Variants in LGALS9 observed in about 807,000 individuals in gnomAD.
LGALS9 encodes the protein galectin-9.
LGALS9 carries 26 observed loss-of-function variants against 35.9 expected under a neutral mutation model. The ratio of observed to expected loss-of-function variants is 0.72; its 90% CI spans 0.53 to 1.01. The LOEUF (loss-of-function observed/expected upper bound fraction) is 1.01, where lower values mean the gene tolerates loss of function less well. LGALS9 is among the 50% of genes least tolerant of loss of function. The pLI, the probability that LGALS9 is intolerant of heterozygous loss-of-function variation, is 0.00. For missense variants in LGALS9, 347 were observed against 445.8 expected (o/e 0.78, Z 1.99); for synonymous variants, 149 against 172.2 (o/e 0.87, Z 1.06).
rs113887266 is a variant in LGALS9, at chr17:27,643,899, G to A, written c.540+279G>A. ...GGCCTCTGGGATTCCTCACCATGAC[G>A]ACAGGGGTCCAGTTCCCCACCCCCT... On this transcript the variant is annotated intron_variant, in intron 5 of 10. Transcript: ENST00000395473. Among the ~76,000 whole-genome samples the A allele has an allele frequency of 1.4e-3, 214 of 152,178 alleles. 1 individual carries two copies. The highest frequency in any genetic ancestry group is 4.8e-3 in the African/African-American group (199 of 41,506).
chr17:27,647,139 A>T (rs1905014266), intron 9 of LGALS9, 21 bp downstream of exon 9: 1 of 1,613,926 alleles, frequency 6.2e-7, no homozygotes, highest in African/African-American at 1.3e-5. Context: ...GGCTCCAGTG[A>T]CCTCTGGGAA....
chr17:27,640,232 C>T (rs1904361105), intron 2 of LGALS9, among the ~76,000 whole-genome samples: 2 of 152,208 alleles, frequency 1.3e-5, no homozygotes, highest in African/African-American at 2.4e-5. Context: ...GCACAGAAGG[C>T]TCTCTCTTCT....
At chr17:27,642,072 G>A (rs1259669670) in intron 3 of LGALS9, among the ~76,000 whole-genome samples, 166 bp from the exon 4 acceptor site, 3 of 152,152 alleles carry the variant, frequency 2.0e-5, no homozygotes, top group Admixed American at 6.5e-5. Context: ...GCCTGGTAGA[G>A]ACTCGGGTTG....
chr17:27,648,731 T>C (rs1035974624), intron 10 of LGALS9, 105 bp from the exon 11 acceptor site: 86 of 1,565,420 alleles, frequency 5.5e-5, no homozygotes, highest in Non-Finnish European at 7.0e-5. Context: ...GAGGGGCTTA[T>C]TAACAACTGA....
intron 3 of LGALS9, among the ~76,000 whole-genome samples, chr17:27,641,414 C>T (rs1179631602): frequency 6.6e-6 from 1 of 152,140 alleles, no homozygotes; most frequent in East Asian, 1.9e-4. Flanking sequence ...AGCCTTTATC[C>T]TTAAACTAAC....
At position 27,645,311 on chromosome 17, in the gene LGALS9, C is replaced by T. The variant is rs1904851307; in HGVS notation, c.541-3C>T. On this transcript the variant is annotated splice_polypyrimidine_tract_variant and splice_region_variant and intron_variant, in intron 5 of 10. Transcript: ENST00000395473. ...ACCATTCTGACTCTCCTCACCCCTCCAGCCTCCCGGCGTGTGGCCTGCCAA... is the reference window on the plus strand; with the variant it reads ...ACCATTCTGACTCTCCTCACCCCTCTAGCCTCCCGGCGTGTGGCCTGCCAA... 2 of 1,613,732 alleles carry T rather than the reference C, an allele frequency of 1.2e-6. No individual in the cohort carries two copies. The highest frequency in any genetic ancestry group is 1.3e-5 in the African/African-American group (1 of 74,920).
At chr17:27,642,777 GC>G (rs1200097884) in intron 4 of LGALS9, among the ~76,000 whole-genome samples, 1 of 152,310 alleles carries the variant, frequency 6.6e-6, no homozygotes, top group African/African-American at 2.4e-5. Context: ...GTCATTGCCT[GC>G]CCCCCATGGG....
chr17:27,641,734 G>A (rs1904515193), intron 3 of LGALS9, among the ~76,000 whole-genome samples: 1 of 152,100 alleles, frequency 6.6e-6, no homozygotes, highest in Non-Finnish European at 1.5e-5. Flanking sequence ...AGCACTTTGG[G>A]AGGCTGAGGA....
rs1187611370 is a variant in LGALS9, at chr17:27,631,225, T to C, written c.-41T>C. On this transcript the variant is annotated 5_prime_UTR_variant, in exon 1 of 11. Transcript: ENST00000395473. The stretch of plus-strand genomic sequence containing the variant: ...GTTCCCTCTACAAAGGACTTCCTAG[T>C]GGGTGTGAAAGGCAGCGGTGGCCAC... 3.1e-6 allele frequency: 5 copies of C among 1,613,894 alleles called. No individual in the cohort carries two copies. The highest frequency in any genetic ancestry group is 3.3e-5 in the Admixed American group (2 of 59,988).
chr17:27,647,670 G>T (rs1905049869), intron 10 of LGALS9, among the ~76,000 whole-genome samples: 1 of 152,158 alleles, frequency 6.6e-6, no homozygotes, highest in South Asian at 2.1e-4. Flanking sequence ...ACTTGCTTGT[G>T]GTCACACAGT....
chr17:27,643,686 C>CAG, intron 5 of LGALS9, 66 bp downstream of exon 5: 1 of 1,515,286 alleles, frequency 6.6e-7, no homozygotes, highest in Non-Finnish European at 8.8e-7. Context: ...GTCTGAGAGG[C>CAG]TGGCCCCAGC....
intron 1 of LGALS9, among the ~76,000 whole-genome samples, chr17:27,635,620 C>T (rs1054132348): frequency 6.6e-6 from 1 of 152,120 alleles, no homozygotes; most frequent in African/African-American, 2.4e-5. Flanking sequence ...TCCTCTTTCT[C>T]CCTCCTGGCT....
At chr17:27,631,347 G>T in intron 1 of LGALS9, 43 bp downstream of exon 1, 1 of 1,613,210 alleles carries the variant, frequency 6.2e-7, no homozygotes, top group South Asian at 1.1e-5. Flanking sequence ...TCAGCCAGAG[G>T]GACACAGCTC....
intron 10 of LGALS9, among the ~76,000 whole-genome samples, chr17:27,648,204 T>C (rs1226409132): frequency 6.6e-6 from 1 of 152,266 alleles, no homozygotes; most frequent in Non-Finnish European, 1.5e-5. Flanking sequence ...GAAAGGAGCT[T>C]GGATTTTAAC....
At chr17:27,632,495 C>T (rs1298067690) in intron 1 of LGALS9, among the ~76,000 whole-genome samples, 1 of 152,176 alleles carries the variant, frequency 6.6e-6, no homozygotes, top group Non-Finnish European at 1.5e-5. Flanking sequence ...ACACCTCAGC[C>T]ACCCTGTGGA....
chr17:27,647,294 G>T lies in LGALS9; in HGVS notation c.783G>T (p.Gly261=). 5 of 1,614,094 alleles carry T rather than the reference G, an allele frequency of 3.1e-6. No individual in the cohort carries two copies. Among genetic ancestry groups the T allele is most frequent in the Non-Finnish European group, 4.2e-6 (5 of 1,180,044 alleles). ...AQRFHINLCS[G]NHIAFHLNPR... ...GGTTCCACATCAACCTGTGCTCTGG[G>T]AACCACATCGCCTTCCACCTGAACC... Residue 261 remains glycine (G), a synonymous_variant, in exon 10 of 11, where the codon GGG becomes GGT. Transcript: ENST00000395473.
chr17:27,643,625 G>C lies in LGALS9; in HGVS notation c.540+5G>C. The C allele has an allele frequency of 3.1e-6, 5 of 1,609,478 alleles. No homozygotes were observed. Among genetic ancestry groups the C allele is most frequent in the Non-Finnish European group, 3.4e-6 (4 of 1,178,474 alleles). On this transcript the variant is annotated splice_donor_5th_base_variant and intron_variant, in intron 5 of 10. Coordinates refer to ENST00000395473, the MANE Select transcript of LGALS9 (RefSeq NM_009587.3). ...CCCAGGGGGCGCAGACAAAAAGTGA[G>C]TTCAACACAGAGGCCCTGGGTGGCC...
rs545027212 is a variant in LGALS9 at position 27,633,556 on chromosome 17, C to T, written c.39+2252C>T. On this transcript the variant is annotated intron_variant, in intron 1 of 10. Coordinates refer to ENST00000395473, the MANE Select transcript of LGALS9 (RefSeq NM_009587.3). ...GGGTGTCCTCTGGTGATGCTGAGTC[C>T]AAAACAAGGCTGCCCACATTTTGGT... Among the ~76,000 whole-genome samples the T allele has an allele frequency of 8.5e-5, 13 of 152,318 alleles. No homozygotes were observed. The South Asian group carries it at 2.7e-3, about 32-fold the overall frequency.
intron 1 of LGALS9, 56 bp downstream of exon 1, chr17:27,631,360 G>A: frequency 1.2e-6 from 2 of 1,612,626 alleles, no homozygotes; most frequent in Non-Finnish European, 1.7e-6. Flanking sequence ...CACAGCTCTG[G>A]GGCTCTGAGG....
Sources: gnomAD v4.1 joint callset for allele counts (sites outside exome capture counted in the v4.1 genomes callset) on GRCh38, gnomAD v4.1.1 for gene constraint, MANE v1.5 for transcripts, NCBI Gene and HGNC (gene_info 2026-07-23, HGNC 2026-07-21) for gene names.